The following PRKCH variants were observed in gnomAD, a reference collection of about 807,000 sequenced individuals.
PRKCH encodes protein kinase C eta, also known as protein kinase C eta type.
PRKCH carries 28 observed loss-of-function variants against 82.5 expected under a neutral mutation model. The observed-to-expected ratio is 0.34, with a 90% CI of 0.25 to 0.47. The LOEUF is 0.47. Ranked by LOEUF, PRKCH falls within the 20% of genes least tolerant of loss-of-function variation. The probability of loss-of-function intolerance (pLI) is 1.00; values close to 1 mark genes in which losing one functional copy is unlikely to be tolerated. For missense variants in PRKCH, 705 were observed against 881.8 expected, an observed-to-expected ratio of 0.80 and a Z score of 2.54; for synonymous variants, 322 against 327.4, an observed-to-expected ratio of 0.98 and a Z score of 0.18.
intron 1 of PRKCH, among the ~76,000 whole-genome samples, chr14:61,283,570 G>T (rs1370493474): frequency 2.6e-5 from 4 of 152,020 alleles, no homozygotes; most frequent in Non-Finnish European, 1.5e-5. Context: ...GGTCTTGCTG[G>T]GCATGGTGGC....
At chr14:61,451,993 C>A (rs1884531012) in intron 6 of PRKCH, among the ~76,000 whole-genome samples, 1 of 152,196 alleles carries the variant, frequency 6.6e-6, no homozygotes, top group African/African-American at 2.4e-5. Context: ...GCAGCTTGAT[C>A]TTAGCGTGAC....
chr14:61,302,413 C>T (rs193012968), intron 1 of PRKCH, among the ~76,000 whole-genome samples: 2 of 152,276 alleles, frequency 1.3e-5, no homozygotes, highest in Admixed American at 6.5e-5. Flanking sequence ...ACCATCTCAT[C>T]TCATGGCTGC....
At chr14:61,194,825 C>T (rs1267805879) in intron 1 of PRKCH, among the ~76,000 whole-genome samples, 1 of 152,150 alleles carries the variant, frequency 6.6e-6, no homozygotes, top group Admixed American at 6.5e-5. Flanking sequence ...CCTCCGCCTC[C>T]CAGGTTCAAG....
chr14:61,191,836 T>G (rs1287848307), intron 1 of PRKCH, among the ~76,000 whole-genome samples: 2 of 152,188 alleles, frequency 1.3e-5, no homozygotes, highest in Non-Finnish European at 2.9e-5. Context: ...AATTTGGTTT[T>G]GATCAAATCC....
At chr14:61,326,278 A>G (rs1300977233) in intron 1 of PRKCH, among the ~76,000 whole-genome samples, 2 of 152,252 alleles carry the variant, frequency 1.3e-5, no homozygotes, top group African/African-American at 2.4e-5. Context: ...ATGAACTATT[A>G]CACATGTAAC....
intron 10 of PRKCH, among the ~76,000 whole-genome samples, chr14:61,487,510 G>A (rs1335552290): frequency 6.6e-6 from 1 of 152,136 alleles, no homozygotes; most frequent in Non-Finnish European, 1.5e-5. Flanking sequence ...TCGTCCTCAT[G>A]CTATCAGACT....
At chr14:61,416,100 G>A (rs1262854684) in intron 2 of PRKCH, among the ~76,000 whole-genome samples, 1 of 123,016 alleles carries the variant, frequency 8.1e-6, no homozygotes, top group Non-Finnish European at 1.6e-5. Flanking sequence ...TGTCACCCTG[G>A]TTGGTGCAGT....
chr14:61,381,715 C>G (rs2046512673), intron 1 of PRKCH, among the ~76,000 whole-genome samples: 1 of 152,222 alleles, frequency 6.6e-6, no homozygotes, highest in East Asian at 1.9e-4. Flanking sequence ...TGGTGCCACT[C>G]CCAGTGGCCT....
intron 2 of PRKCH, among the ~76,000 whole-genome samples, chr14:61,418,165 G>A (rs564206509): frequency 2.0e-5 from 3 of 152,312 alleles, no homozygotes; most frequent in African/African-American, 4.8e-5. Context: ...CTGCACGTAC[G>A]ATGTAAGTGT....
intron 1 of PRKCH, among the ~76,000 whole-genome samples, chr14:61,204,251 A>G (rs2044505361): frequency 6.6e-6 from 1 of 152,144 alleles, no homozygotes; most frequent in Non-Finnish European, 1.5e-5. Flanking sequence ...ATGTGCCAAG[A>G]CCTGTTCTAA....
intron 1 of PRKCH, chr14:61,279,479 G>C (rs1201964681): frequency 6.6e-6 from 1 of 152,330 alleles, no homozygotes; most frequent in Non-Finnish European, 1.5e-5. Context: ...CTCCAGTGGA[G>C]TTTGTTAAAA....
chr14:61,293,080 G>A (rs1285118016), intron 1 of PRKCH, among the ~76,000 whole-genome samples: 1 of 152,194 alleles, frequency 6.6e-6, no homozygotes. Flanking sequence ...AAAGTGGAAA[G>A]TAATAACATT....
At chr14:61,328,111 G>A (rs4573864) in intron 1 of PRKCH, among the ~76,000 whole-genome samples, 17 of 151,564 alleles carry the variant, frequency 1.1e-4, no homozygotes, top group African/African-American at 3.9e-4. Context: ...TTAGCCGGGC[G>A]CGGTGGCGGG....
chr14:61,219,345 A>C (rs1165293334), intron 1 of PRKCH, among the ~76,000 whole-genome samples: 2 of 152,228 alleles, frequency 1.3e-5, no homozygotes, highest in African/African-American at 2.4e-5. Context: ...CCATATTGTA[A>C]ATGATGCTTC....
intron 1 of PRKCH, among the ~76,000 whole-genome samples, chr14:61,266,934 C>T (rs1430099578): frequency 6.6e-6 from 1 of 151,926 alleles, no homozygotes; most frequent in East Asian, 1.9e-4. Flanking sequence ...AACTTCATTC[C>T]TTGGGTGGGA....
intron 1 of PRKCH, among the ~76,000 whole-genome samples, chr14:61,198,228 T>A (rs1395713774): frequency 1.3e-5 from 2 of 152,218 alleles, no homozygotes; most frequent in East Asian, 3.8e-4. Flanking sequence ...GCTATTTATT[T>A]AACAACAATC....
intron 10 of PRKCH, among the ~76,000 whole-genome samples, chr14:61,511,852 A>G (rs976869166): frequency 1.2e-4 from 18 of 152,252 alleles, no homozygotes; most frequent in South Asian, 6.2e-4. Context: ...TTCTGTGTCA[A>G]CGGGATCCCG....
At chr14:61,393,172 T>C (rs2046712635) in intron 2 of PRKCH, among the ~76,000 whole-genome samples, 1 of 152,228 alleles carries the variant, frequency 6.6e-6, no homozygotes, top group Non-Finnish European at 1.5e-5. Flanking sequence ...TGCTTTATAG[T>C]GAGTCTTATG....
At chr14:61,336,791 A>G (rs918196646) in intron 1 of PRKCH, among the ~76,000 whole-genome samples, 3 of 152,140 alleles carry the variant, frequency 2.0e-5, no homozygotes, top group Non-Finnish European at 2.9e-5. Flanking sequence ...CATTAGGGCC[A>G]GGTGTGGTGG....
Sources: allele counts gnomAD v4.1 joint callset (sites outside exome capture counted in the v4.1 genomes callset), GRCh38; gene constraint gnomAD v4.1.1; transcripts MANE v1.5; gene names NCBI Gene and HGNC (gene_info 2026-07-23, HGNC 2026-07-21).